TMPRSS13: variants seen among roughly 807,000 people sequenced by gnomAD.
TMPRSS13 encodes transmembrane serine protease 13.
Under a neutral mutation model 68.4 loss-of-function variants are expected in TMPRSS13, and 50 were observed. That is an observed-to-expected ratio of 0.73 (90% CI 0.58 to 0.93). The LOEUF (loss-of-function observed/expected upper bound fraction) is 0.93, where lower values mean the gene tolerates loss of function less well. Ranked by LOEUF, TMPRSS13 falls within the 40% of genes least tolerant of loss-of-function variation. The pLI is 0.00. For missense variants in TMPRSS13, 615 were observed against 729.2 expected, an observed-to-expected ratio of 0.84 and a Z score of 1.80; for synonymous variants, 267 against 285.8, an observed-to-expected ratio of 0.93 and a Z score of 0.66.
intron 9 of TMPRSS13, chr11:117,907,817 A>G (rs1416496172): frequency 5.0e-5 from 49 of 985,226 alleles, no homozygotes; most frequent in Admixed American, 6.1e-5. Flanking sequence ...GGTGTATTTT[A>G]TTTCTATTTG....
chr11:117,922,767 T>C lies in TMPRSS13; in HGVS notation c.22-3929A>G, dbSNP rs915977137. ...TGTGGTCAACTCTGAGCCACATCCC[T>C]GGCCTAACCTTGCCAACCATTCTTT... On this transcript the variant is annotated intron_variant, in intron 1 of 12. Coordinates refer to ENST00000524993, the MANE Select transcript of TMPRSS13 (RefSeq NM_001077263.3). This position sits in a 1 kb window ranked among gnomAD's most constrained non-coding sequence, Gnocchi z 4.2. Among the ~76,000 whole-genome samples, 4 of 152,246 alleles carry C rather than the reference T, an allele frequency of 2.6e-5. No individual in the cohort carries two copies. The highest frequency in any genetic ancestry group is 4.4e-5 in the Non-Finnish European group (3 of 68,038).
At chr11:117,929,168 G>T in intron 1 of TMPRSS13, 119 bp downstream of exon 1, 2 of 751,810 alleles carry the variant, frequency 2.7e-6, no homozygotes, top group Non-Finnish European at 4.1e-6. Flanking sequence ...ACTAGAAGAG[G>T]CACAGCCAGT....
intron 9 of TMPRSS13, chr11:117,907,891 T>C (rs1163656469): frequency 2.3e-6 from 2 of 877,468 alleles, no homozygotes; most frequent in African/African-American, 2.5e-5. Flanking sequence ...AATGGATGAA[T>C]GATGAGTGAA....
At chr11:117,918,900 GC>G (rs2057614020) in intron 1 of TMPRSS13, 62 bp from the exon 2 acceptor site, 1 of 1,597,250 alleles carries the variant, frequency 6.3e-7, no homozygotes, top group African/African-American at 1.3e-5. Context: ...CCAGCTGTCA[GC>G]TGTGCTGCAC....
At chr11:117,920,354 T>TGCTC (rs2057631053) in intron 1 of TMPRSS13, among the ~76,000 whole-genome samples, 1 of 147,754 alleles carries the variant, frequency 6.8e-6, no homozygotes. Flanking sequence ...TTTGCTCGTT[T>TGCTC]GTTTTTTTGA....
rs1007939416 is a variant in TMPRSS13, at chr11:117,922,616, C to T, written c.22-3778G>A. Among the ~76,000 whole-genome samples, 5 of 152,166 alleles carry T rather than the reference C, an allele frequency of 3.3e-5. No homozygotes were observed. The highest frequency in any genetic ancestry group is 1.9e-4 in the East Asian group (1 of 5,190). ...CAAATCCTGGCCTTTGGCAGTGAGCCGAAGACTCAGAAGTGGAAGTGAAAT... is the reference window on the plus strand; with the variant it reads ...CAAATCCTGGCCTTTGGCAGTGAGCTGAAGACTCAGAAGTGGAAGTGAAAT... On this transcript the variant is annotated intron_variant, in intron 1 of 12. Transcript: ENST00000524993. This position sits in a 1 kb window ranked among gnomAD's most constrained non-coding sequence, Gnocchi z 4.2.
At chr11:117,902,822 A>G (rs947917) in intron 12 of TMPRSS13, among the ~76,000 whole-genome samples, 71,066 of 152,090 alleles carry the variant, frequency 0.47, 16,839 homozygotes, top group African/African-American at 0.54. Context: ...TATTCCAGGC[A>G]TTGTAAATGG....
At chr11:117,919,089 A>G (rs1192580302) in intron 1 of TMPRSS13, among the ~76,000 whole-genome samples, 1 of 152,148 alleles carries the variant, frequency 6.6e-6, no homozygotes, top group Non-Finnish European at 1.5e-5. Flanking sequence ...GTAGAGGGCA[A>G]TGGGCCAAGT....
chr11:117,902,529 GC>G (rs900860336), intron 12 of TMPRSS13, among the ~76,000 whole-genome samples: 1 of 152,214 alleles, frequency 6.6e-6, no homozygotes, highest in Middle Eastern at 3.2e-3. Flanking sequence ...AGCACCCCCT[GC>G]TTTACAGCTA....
chr11:117,914,326 TACAA>T lies in TMPRSS13; in HGVS notation c.679+62_679+65del, dbSNP rs763102426. On this transcript the variant is annotated intron_variant, in intron 4 of 12. Transcript: ENST00000524993. The surrounding 1 kb of genome is among the most constrained non-coding windows in gnomAD (Gnocchi z 4.2). ...ACAGGCATGCATACACACACACATA[TACAA>T]ACAGGCACACAAACACATGCACATG... 3.8e-6 allele frequency: 6 copies of T among 1,596,704 alleles called. No individual in the cohort carries two copies. In the African/African-American group the frequency reaches 5.4e-5, roughly 14 times the overall value.
chr11:117,920,571 C>A (rs982344774), intron 1 of TMPRSS13, among the ~76,000 whole-genome samples: 2 of 152,172 alleles, frequency 1.3e-5, no homozygotes, highest in Admixed American at 6.5e-5. Context: ...TGGCTCACTG[C>A]GACCTCTGCT....
At chr11:117,912,426 G>A (rs187955180) in intron 5 of TMPRSS13, among the ~76,000 whole-genome samples, 16 of 152,354 alleles carry the variant, frequency 1.1e-4, no homozygotes, top group Admixed American at 6.5e-4. Flanking sequence ...AGAACACAGC[G>A]TGCCTAAGAA....
rs1034460917 is a variant in TMPRSS13 at position 117,903,755 on chromosome 11, G to A, written c.1577C>T (p.Ala526Val). Residue 526 changes from alanine to valine, a missense_variant, in exon 12 of 13, where the codon GCA (alanine) becomes GTA (valine). Ala to Val is a moderately conservative substitution (Grantham distance 64). Transcript: ENST00000524993. The part of the protein sequence containing the change: ...VCEQNNRWYL[A>V]GVTSWGTGCG... ...GCCTGTGCCCCAGCTGGTGACACCT[G>A]CCAGGTACCAGCGGTTGTTCTGCTC... The A allele has an allele frequency of 9.8e-5, 158 of 1,612,688 alleles. No individual in the cohort carries two copies. The highest frequency in any genetic ancestry group is 1.3e-4 in the Non-Finnish European group (154 of 1,179,430).
chr11:117,904,173 C>T lies in TMPRSS13; in HGVS notation c.1382-72G>A, dbSNP rs1006715040. ...GATTCTAGATAGCTTCCTGGCCGTC[C>T]AGCTGCCACCCCAAGACCCAGAATC... On this transcript the variant is annotated intron_variant, in intron 10 of 12. Transcript: ENST00000524993. The T allele has an allele frequency of 4.5e-5, 69 of 1,544,708 alleles. No homozygotes were observed. The African/African-American group carries it at 8.7e-4, about 19-fold the overall frequency.
Position 117,908,611 on chromosome 11 carries a change from C to A in TMPRSS13, c.1282+1G>T. ...AGAGCGGGGAGTGCAGATTCCCTCACCGGACAGGGTCAGGGGCTTGGACAG... is the reference window on the plus strand; with the variant it reads ...AGAGCGGGGAGTGCAGATTCCCTCAACGGACAGGGTCAGGGGCTTGGACAG... On this transcript the variant is annotated splice_donor_variant, in intron 9 of 12. Coordinates refer to ENST00000524993, the MANE Select transcript of TMPRSS13 (RefSeq NM_001077263.3). LOFTEE classifies it high-confidence loss of function. The A allele has an allele frequency of 6.4e-7, 1 of 1,558,778 alleles. No homozygotes were observed. The highest frequency in any genetic ancestry group is 2.4e-5 in the East Asian group (1 of 42,082).
At chr11:117,919,553 C>T (rs2057622196) in intron 1 of TMPRSS13, among the ~76,000 whole-genome samples, 2 of 152,268 alleles carry the variant, frequency 1.3e-5, no homozygotes, top group African/African-American at 4.8e-5. Flanking sequence ...GCACCTTCAC[C>T]AGCCTGCCTG....
intron 1 of TMPRSS13, among the ~76,000 whole-genome samples, chr11:117,920,703 G>C (rs910001705): frequency 1.3e-5 from 2 of 152,052 alleles, no homozygotes; most frequent in African/African-American, 2.4e-5. Context: ...TGGCCAGGCT[G>C]GTCTCAAACT....
rs2057585787 is a variant in TMPRSS13 at position 117,917,111 on chromosome 11, G to A, written c.556+59C>T. On this transcript the variant is annotated intron_variant, in intron 3 of 12. Coordinates refer to ENST00000524993, the MANE Select transcript of TMPRSS13 (RefSeq NM_001077263.3). ...GTCTCCCCTGCCTGCCCCCATCCCT[G>A]GGTCCCACTCTGCCCAGCAGTGCCC... 1.5e-5 allele frequency: 21 copies of A among 1,424,396 alleles called. 1 individual carries two copies. The South Asian group carries it at 2.4e-4, about 16-fold the overall frequency. The allele number at this position is 1,424,396 out of a possible 1,614,324, so 88.2% of individuals were successfully genotyped here.
Position 117,908,756 on chromosome 11 carries a change from T to C in TMPRSS13, c.1138A>G (p.Lys380Glu). 1 of 1,609,048 alleles carries C rather than the reference T, an allele frequency of 6.2e-7. No individual in the cohort carries two copies. Residue 380 changes from lysine (K) to glutamate (E), a missense_variant, in exon 9 of 13, where the codon AAG (lysine) becomes GAG (glutamate). By Grantham distance (56) the Lys-to-Glu change is moderately conservative (BLOSUM62 1). Transcript: ENST00000524993. ...VTREKVLEGW[K>E]VYAGTSNLHQ... ...AGGTTGCTGGTGCCCGCGTACACCT[T>C]CCAGCCCTCCAGGACCTTCTCCCGG...
Sources: gnomAD v4.1 joint callset for allele counts (sites outside exome capture counted in the v4.1 genomes callset) on GRCh38, gnomAD v4.1.1 for gene constraint, Gnocchi (gnomAD v3.1) non-coding constraint, MANE v1.5 for transcripts, NCBI Gene and HGNC (gene_info 2026-07-23, HGNC 2026-07-21) for gene names.